The following LY96 variants were observed in gnomAD, a reference collection of about 807,000 sequenced individuals.
The protein encoded by LY96 is myeloid differentiation protein-2.
In LY96, 18 loss-of-function variants were observed where a neutral mutation model predicts 18.9. The ratio of observed to expected loss-of-function variants is 0.95; its 90% confidence interval spans 0.66 to 1.41. The LOEUF is 1.41. Ranked by LOEUF, LY96 falls within the 40% of genes most tolerant of loss-of-function variation. LY96 has a pLI of 0.00. For missense variants in LY96, 175 were observed against 182.4 expected, an observed-to-expected ratio of 0.96 and a Z score of 0.23; for synonymous variants, 66 against 62.6, an observed-to-expected ratio of 1.06 and a Z score of -0.26.
intron 3 of LY96, among the ~76,000 whole-genome samples, chr8:74,010,558 C>A (rs1044044904): frequency 6.6e-6 from 1 of 152,034 alleles, no homozygotes; most frequent in Admixed American, 6.6e-5. Flanking sequence ...CATTTACCAG[C>A]AATGTGACTT....
chr8:74,036,048 C>T, the LY96 span, among the ~76,000 whole-genome samples: 725 of 152,240 alleles, frequency 4.8e-3, 6 homozygotes, highest in African/African-American at 0.015. Context: ...AATAAACTTT[C>T]GAAATTGAGA....
the LY96 span, among the ~76,000 whole-genome samples, chr8:74,095,594 A>G: frequency 7.9e-5 from 12 of 152,206 alleles, no homozygotes; most frequent in Non-Finnish European, 1.3e-4. Flanking sequence ...CTCACCTTGC[A>G]GCAGCAGCCG....
the LY96 span, among the ~76,000 whole-genome samples, chr8:74,087,183 G>A: frequency 6.6e-6 from 1 of 152,296 alleles, no homozygotes; most frequent in South Asian, 2.1e-4. Context: ...AGTGACTTGA[G>A]AAACAGTTTA....
At chr8:74,016,903 C>T (rs1423193110) in intron 3 of LY96, among the ~76,000 whole-genome samples, 1 of 152,142 alleles carries the variant, frequency 6.6e-6, no homozygotes, top group Non-Finnish European at 1.5e-5. Flanking sequence ...CTGTAGGTCA[C>T]CATCATCAAA....
chr8:74,077,545 A>G, the LY96 span, among the ~76,000 whole-genome samples: 2 of 152,218 alleles, frequency 1.3e-5, no homozygotes, highest in African/African-American at 4.8e-5. Context: ...GAGGACTGAT[A>G]GATAAAACAA....
At chr8:74,019,089 G>A (rs113532117) in intron 3 of LY96, among the ~76,000 whole-genome samples, 6,268 of 152,150 alleles carry the variant, frequency 0.041, 145 homozygotes, top group Middle Eastern at 0.061. Flanking sequence ...AGAACTGAAC[G>A]AGATAGAGAC....
chr8:74,015,676 G>A (rs527810185), intron 3 of LY96, among the ~76,000 whole-genome samples: 5 of 152,306 alleles, frequency 3.3e-5, no homozygotes, highest in South Asian at 4.1e-4. Context: ...ACAATTCAAT[G>A]TACAATACCA....
chr8:74,002,093 TTCTCTCTCTCTCTCTC>T lies in LY96; in HGVS notation c.113-2679_113-2664del, dbSNP rs376445801. Among the ~76,000 whole-genome samples the T allele has an allele frequency of 8.5e-3, 329 of 38,722 alleles. 29 individuals carry two copies. The highest frequency in any genetic ancestry group is 0.011 in the Non-Finnish European group (257 of 23,708). The allele number at this position is 38,722 out of a possible 152,430, so 25.4% of individuals were successfully genotyped here. ...TTCCTTCCTTTCTTTCTTTCTTTCT[TTCTCTCTCTCTCTCTC>T]TCTCTCTCTCTCTCTCTCTCTCTTT... On this transcript the variant is annotated intron_variant, in intron 1 of 4. Transcript: ENST00000284818.
the LY96 span, among the ~76,000 whole-genome samples, chr8:74,084,456 G>A: frequency 3.3e-5 from 5 of 152,186 alleles, no homozygotes; most frequent in Non-Finnish European, 7.3e-5. Context: ...AGGAAAGTCA[G>A]AATTAATGCT....
At chr8:74,031,177 T>A (rs115201757), downstream of LY96, among the ~76,000 whole-genome samples, 3,175 of 152,300 alleles carry the variant, frequency 0.021, 122 homozygotes, top group Admixed American at 0.077. Flanking sequence ...ATGACCACCA[T>A]ATCTCTCATC....
chr8:73,998,691 C>CT (rs1586646616), intron 1 of LY96, among the ~76,000 whole-genome samples: 4 of 151,150 alleles, frequency 2.6e-5, no homozygotes, highest in South Asian at 4.2e-4. Context: ...TCTTCTCTCT[C>CT]AAAAAAAAGG....
At chr8:74,048,248 T>A in the LY96 span, among the ~76,000 whole-genome samples, 36,303 of 151,584 alleles carry the variant, frequency 0.24, 4,953 homozygotes, top group African/African-American at 0.37. Context: ...GCCACAGTGG[T>A]CTTCGTTTAG....
the LY96 span, among the ~76,000 whole-genome samples, chr8:74,044,877 T>C: frequency 1.3e-5 from 2 of 152,252 alleles, no homozygotes; most frequent in South Asian, 4.1e-4. Context: ...TACATTCCCA[T>C]GAATCCCTTA....
intron 3 of LY96, among the ~76,000 whole-genome samples, chr8:74,019,787 A>G (rs1413214204): frequency 6.6e-6 from 1 of 152,210 alleles, no homozygotes; most frequent in Non-Finnish European, 1.5e-5. Flanking sequence ...AATATACGTA[A>G]TTCATCACAT....
chr8:74,056,738 C>T, the LY96 span: 1 of 152,378 alleles, frequency 6.6e-6, no homozygotes, highest in Non-Finnish European at 1.5e-5. Context: ...AAAGGTAACA[C>T]TGGCTGGCAG....
intron 4 of LY96, 65 bp from the exon 5 acceptor site, chr8:74,028,891 C>A: frequency 2.1e-6 from 2 of 974,316 alleles, no homozygotes; most frequent in Non-Finnish European, 1.6e-6. Context: ...AAAGTTCTTA[C>A]AAAGCCTCTG....
At chr8:73,993,796 C>G (rs7009353) in intron 1 of LY96, among the ~76,000 whole-genome samples, 71,249 of 151,766 alleles carry the variant, frequency 0.47, 16,754 homozygotes, top group South Asian at 0.52. Context: ...CCAGGCTGGT[C>G]TGGAACTCCT....
the LY96 span, among the ~76,000 whole-genome samples, chr8:74,070,343 G>A: frequency 4.6e-5 from 7 of 151,952 alleles, no homozygotes; most frequent in Non-Finnish European, 7.4e-5. Flanking sequence ...CGCCCGCCTC[G>A]GCCTCCCGAA....
At chr8:74,008,059 C>T (rs1816451809) in intron 2 of LY96, among the ~76,000 whole-genome samples, 1 of 152,222 alleles carries the variant, frequency 6.6e-6, no homozygotes, top group Admixed American at 6.5e-5. Context: ...CGCGCCCAGC[C>T]CATGTTTCTT....
Sources: allele counts gnomAD v4.1 joint callset (sites outside exome capture counted in the v4.1 genomes callset), GRCh38; gene constraint gnomAD v4.1.1; transcripts MANE v1.5; gene names NCBI Gene and HGNC (gene_info 2026-07-23, HGNC 2026-07-21).